SOS2: variants seen among roughly 807,000 people sequenced by gnomAD.
SOS2 encodes son of sevenless homolog 2.
SOS2 carries 65 observed loss-of-function variants against 148.2 expected under a neutral mutation model. That is an observed-to-expected ratio of 0.44 (90% CI 0.36 to 0.54). The LOEUF is 0.54. Ranked by LOEUF, SOS2 falls within the 20% of genes least tolerant of loss-of-function variation. The probability of loss-of-function intolerance (pLI) is 0.00; values close to 1 mark genes in which losing one functional copy is unlikely to be tolerated. For synonymous variants in SOS2, 539 were observed against 537.1 expected, an observed-to-expected ratio of 1.00 and a Z score of -0.05; for missense variants, 1,341 against 1,590.2, an observed-to-expected ratio of 0.84 and a Z score of 2.67.
At chr14:50,198,796 T>A (rs114538499) in intron 4 of SOS2, among the ~76,000 whole-genome samples, 2 of 152,244 alleles carry the variant, frequency 1.3e-5, no homozygotes, top group African/African-American at 4.8e-5. Flanking sequence ...TCTGTAATTA[T>A]CTGTTTATAA....
In SOS2 at chr14:50,188,519, TCAGA is replaced by T; in HGVS notation, c.688_691del (p.Ser230IlefsTer23). The stretch of plus-strand genomic sequence containing the variant: ...TACAGAAGGTTTAAACAGCTTTCTA[TCAGA>T]AAGAAAGGCTTCTCGAAACACTTTT... On this transcript the variant is annotated frameshift_variant, in exon 5 of 23. Transcript: ENST00000216373. LOFTEE classifies it high-confidence loss of function. 1 of 1,599,330 alleles carries T rather than the reference TCAGA, an allele frequency of 6.3e-7. No homozygotes were observed.
chr14:50,197,873 T>A (rs564283563), intron 4 of SOS2, among the ~76,000 whole-genome samples: 1 of 151,982 alleles, frequency 6.6e-6, no homozygotes, highest in African/African-American at 2.4e-5. Flanking sequence ...GTATTTTTAG[T>A]AGAGACGGGG....
intron 21 of SOS2, among the ~76,000 whole-genome samples, chr14:50,123,673 G>A (rs540358881): frequency 4.6e-5 from 7 of 152,180 alleles, no homozygotes; most frequent in South Asian, 2.1e-4. Flanking sequence ...GTGAGCCACC[G>A]TACCCGGCCC....
At chr14:50,218,910 C>T (rs1258144521) in intron 1 of SOS2, among the ~76,000 whole-genome samples, 3 of 151,880 alleles carry the variant, frequency 2.0e-5, no homozygotes, top group African/African-American at 4.8e-5. Flanking sequence ...GTCAAGAGAT[C>T]GAGACCATCC....
chr14:50,211,130 T>C lies in SOS2; in HGVS notation c.88-6721A>G, dbSNP rs556272724. ...TAGCCTCATGTGGGTACTGAACACC[T>C]GAAATGTAGCTCCACTGAGTTGAAA... On this transcript the variant is annotated intron_variant, in intron 1 of 22. Transcript: ENST00000216373. Among the ~76,000 whole-genome samples, 4 of 152,210 alleles carry C rather than the reference T, an allele frequency of 2.6e-5. No homozygotes were observed. In the South Asian group the frequency reaches 8.3e-4, roughly 32 times the overall value.
At chr14:50,127,434 G>A (rs1266561286) in intron 21 of SOS2, among the ~76,000 whole-genome samples, 3 of 152,060 alleles carry the variant, frequency 2.0e-5, no homozygotes, top group Non-Finnish European at 2.9e-5. Context: ...GAGCCACCGC[G>A]CCCGGCCCAG....
Position 50,133,242 on chromosome 14 carries a change from C to CTTTTTTTTTTTTTT in SOS2, c.3075+880_3075+881insAAAAAAAAAAAAAA, listed in dbSNP as rs753590435. 8.9e-5 allele frequency among the ~76,000 whole-genome samples: 7 copies of CTTTTTTTTTTTTTT among 78,814 alleles called. 2 individuals are homozygous for CTTTTTTTTTTTTTT. In the East Asian group the frequency reaches 1.4e-3, roughly 15 times the overall value. 51.7% of individuals were successfully genotyped at this position (78,814 alleles called of 152,430 possible). On this transcript the variant is annotated intron_variant, in intron 19 of 22. Transcript: ENST00000216373. ...TTTCCATGAACTTTTTTTCTTTTTTCTTTTTTCTTTTTTTTTTTTTTTGAG... is the reference window on the plus strand; with the variant it reads ...TTTCCATGAACTTTTTTTCTTTTTTCTTTTTTTTTTTTTTTTTTTTCTTTTTTTTTTTTTTTGAG...
At chr14:50,212,810 G>A (rs1355232169) in intron 1 of SOS2, among the ~76,000 whole-genome samples, 1 of 152,142 alleles carries the variant, frequency 6.6e-6, no homozygotes, top group East Asian at 1.9e-4. Context: ...ACAAGACTGG[G>A]AGGACAGGGA....
intron 1 of SOS2, among the ~76,000 whole-genome samples, chr14:50,212,236 G>A (rs995642187): frequency 6.6e-6 from 1 of 152,268 alleles, no homozygotes; most frequent in Non-Finnish European, 1.5e-5. Context: ...AGCACTTTGG[G>A]AGGCCAAGGC....
At chr14:50,231,079 C>A in intron 1 of SOS2, 118 bp downstream of exon 1, 1 of 614,246 alleles carries the variant, frequency 1.6e-6, no homozygotes, top group Non-Finnish European at 2.3e-6. Context: ...CCATTGCCAG[C>A]CAACGAGAAA....
At chr14:50,182,086 TAAAG>T (rs1036007728) in intron 6 of SOS2, among the ~76,000 whole-genome samples, 5 of 151,920 alleles carry the variant, frequency 3.3e-5, no homozygotes, top group African/African-American at 9.7e-5. Context: ...AAACACACTA[TAAAG>T]AAAGTGTCAC....
chr14:50,143,329 G>GAAA (rs11455809), intron 16 of SOS2, among the ~76,000 whole-genome samples: 11 of 126,764 alleles, frequency 8.7e-5, no homozygotes, highest in African/African-American at 1.2e-4. Flanking sequence ...GACTCTTTAG[G>GAAA]AAAAAAAAAA....
intron 11 of SOS2, among the ~76,000 whole-genome samples, 173 bp from the exon 12 acceptor site, chr14:50,157,294 G>A (rs1026660405): frequency 2.6e-5 from 4 of 152,006 alleles, no homozygotes; most frequent in African/African-American, 7.2e-5. Context: ...CAAAACTGAC[G>A]TTTTGTATTC....
chr14:50,211,591 A>G (rs990848374), intron 1 of SOS2, among the ~76,000 whole-genome samples: 3 of 133,730 alleles, frequency 2.2e-5, no homozygotes, highest in Non-Finnish European at 3.1e-5. Flanking sequence ...AGGAGGGAAA[A>G]TTTTATTTAT....
At chr14:50,173,421 C>CT (rs1304831382) in intron 8 of SOS2, among the ~76,000 whole-genome samples, 21 of 149,302 alleles carry the variant, frequency 1.4e-4, no homozygotes, top group East Asian at 2.0e-4. Context: ...AGGTAGCCAG[C>CT]TTTTTTTTTT....
chr14:50,229,409 T>G (rs1220759398), intron 1 of SOS2, among the ~76,000 whole-genome samples: 1 of 151,394 alleles, frequency 6.6e-6, no homozygotes, highest in Non-Finnish European at 1.5e-5. Context: ...GGCACCTGAG[T>G]TCCAGGAAAA....
intron 4 of SOS2, among the ~76,000 whole-genome samples, chr14:50,193,767 G>A (rs1323298889): frequency 7.1e-6 from 1 of 141,776 alleles, no homozygotes; most frequent in Non-Finnish European, 1.5e-5. Context: ...TTTTTTTTTT[G>A]AGACATAGTT....
intron 22 of SOS2, among the ~76,000 whole-genome samples, chr14:50,119,434 T>C (rs1199479072): frequency 2.0e-5 from 3 of 152,234 alleles, no homozygotes; most frequent in Admixed American, 6.5e-5. Flanking sequence ...TTGAGAAGCA[T>C]TAGTTGAAAG....
At chr14:50,186,849 C>G (rs556004058) in intron 5 of SOS2, among the ~76,000 whole-genome samples, 2 of 152,138 alleles carry the variant, frequency 1.3e-5, no homozygotes, top group Admixed American at 6.5e-5. Flanking sequence ...AAAACACTTT[C>G]GATTATCATT....
Sources: gnomAD v4.1 joint callset for allele counts (sites outside exome capture counted in the v4.1 genomes callset) on GRCh38, gnomAD v4.1.1 for gene constraint, MANE v1.5 for transcripts, NCBI Gene and HGNC (gene_info 2026-07-23, HGNC 2026-07-21) for gene names.